The following ABTB3 variants were observed in gnomAD, a reference collection of about 807,000 sequenced individuals.
ABTB3 encodes the protein ankyrin repeat and BTB domain containing 3, also known as ankyrin repeat- and BTB/POZ domain-containing protein 3.
At chr12:107,648,832 G>A in the ABTB3 span, among the ~76,000 whole-genome samples, 833 of 152,060 alleles carry the variant, frequency 5.5e-3, 25 homozygotes, top group Admixed American at 0.048. Flanking sequence ...GCAGTTCCGC[G>A]CAGCATGACT....
the ABTB3 span, among the ~76,000 whole-genome samples, chr12:107,518,669 G>A: frequency 1.3e-5 from 2 of 151,904 alleles, no homozygotes; most frequent in African/African-American, 4.8e-5. Context: ...GAGTTAATGG[G>A]TGCAGCACAC....
At chr12:107,466,454 G>T in the ABTB3 span, among the ~76,000 whole-genome samples, 2 of 151,730 alleles carry the variant, frequency 1.3e-5, no homozygotes, top group African/African-American at 2.4e-5. Context: ...TCCCCACTGT[G>T]CCACCCTCCC....
At chr12:107,534,422 T>C in the ABTB3 span, among the ~76,000 whole-genome samples, 10 of 151,366 alleles carry the variant, frequency 6.6e-5, no homozygotes, top group Admixed American at 3.3e-4. Context: ...AACCCAAAAT[T>C]AGGGGAAGGA....
the ABTB3 span, among the ~76,000 whole-genome samples, chr12:107,580,205 G>GA: frequency 6.6e-6 from 1 of 152,212 alleles, no homozygotes; most frequent in Non-Finnish European, 1.5e-5. Flanking sequence ...GGGAGGTTTT[G>GA]AAAACTGCCT....
At chr12:107,484,163 C>T in the ABTB3 span, among the ~76,000 whole-genome samples, 11 of 152,178 alleles carry the variant, frequency 7.2e-5, no homozygotes, top group Non-Finnish European at 1.3e-4. Flanking sequence ...TGACCATGAA[C>T]ATATATTAAG....
At chr12:107,520,546 C>G in the ABTB3 span, 7 of 1,614,240 alleles carry the variant, frequency 4.3e-6, no homozygotes, top group Middle Eastern at 1.6e-4. Context: ...GTCAAACAAG[C>G]CAGGGGAACT....
At chr12:107,380,570 CCTGT>C in the ABTB3 span, among the ~76,000 whole-genome samples, 1 of 152,262 alleles carries the variant, frequency 6.6e-6, no homozygotes, top group Non-Finnish European at 1.5e-5. Flanking sequence ...TAGGAAATGA[CCTGT>C]CTAAGGCTGA....
the ABTB3 span, among the ~76,000 whole-genome samples, chr12:107,425,108 A>G: frequency 6.6e-6 from 1 of 152,260 alleles, no homozygotes; most frequent in East Asian, 1.9e-4. Context: ...TCCTTAGCAG[A>G]CCAGGCCCTG....
the ABTB3 span, among the ~76,000 whole-genome samples, chr12:107,570,878 C>T: frequency 6.6e-6 from 1 of 152,158 alleles, no homozygotes; most frequent in Non-Finnish European, 1.5e-5. Flanking sequence ...CCCCAGGCTT[C>T]CTCTGGGCCT....
chr12:107,548,577 G>T, the ABTB3 span, among the ~76,000 whole-genome samples: 2 of 152,078 alleles, frequency 1.3e-5, no homozygotes, highest in African/African-American at 2.4e-5. Context: ...GATTTCTGTA[G>T]TCTAAGTTTT....
chr12:107,523,789 C>T, the ABTB3 span, among the ~76,000 whole-genome samples: 2 of 152,282 alleles, frequency 1.3e-5, no homozygotes, highest in Admixed American at 1.3e-4. Context: ...CGAACTGCCA[C>T]ACATATGGGA....
At chr12:107,372,468 A>G in the ABTB3 span, among the ~76,000 whole-genome samples, 1 of 152,200 alleles carries the variant, frequency 6.6e-6, no homozygotes, top group Non-Finnish European at 1.5e-5. Flanking sequence ...GCTTGGTTCC[A>G]GCAAGTGTGT....
chr12:107,338,890 A>T, the ABTB3 span, among the ~76,000 whole-genome samples: 1 of 152,126 alleles, frequency 6.6e-6, no homozygotes, highest in Admixed American at 6.5e-5. Context: ...TCACGGGTAT[A>T]ATCATAGTGC....
At chr12:107,339,680 CGTGTGTGT>C in the ABTB3 span, among the ~76,000 whole-genome samples, 7 of 149,138 alleles carry the variant, frequency 4.7e-5, no homozygotes, top group East Asian at 2.0e-4. Flanking sequence ...TGTGCATGCA[CGTGTGTGT>C]GTGTGTGTGT....
chr12:107,532,826 T>C, the ABTB3 span, among the ~76,000 whole-genome samples: 1 of 152,050 alleles, frequency 6.6e-6, no homozygotes, highest in African/African-American at 2.4e-5. Context: ...AACAGATTTC[T>C]CAGCAGAAAC....
At chr12:107,617,394 G>T in the ABTB3 span, 1 of 1,614,158 alleles carries the variant, frequency 6.2e-7, no homozygotes, top group Non-Finnish European at 8.5e-7. Flanking sequence ...ACCCCCCAGG[G>T]TGATATGAAC....
At chr12:107,482,973 T>TTTCTTTCC in the ABTB3 span, among the ~76,000 whole-genome samples, 1 of 70,906 alleles carries the variant, frequency 1.4e-5, no homozygotes, top group Non-Finnish European at 2.8e-5. Context: ...TCTTTCTTTC[T>TTTCTTTCC]TTCTTTCTTT....
chr12:107,536,914 A>T, the ABTB3 span, among the ~76,000 whole-genome samples: 2 of 152,312 alleles, frequency 1.3e-5, no homozygotes, highest in East Asian at 3.9e-4. Flanking sequence ...TATATCCAAG[A>T]CATGTCTGCA....
At chr12:107,545,661 A>C in the ABTB3 span, among the ~76,000 whole-genome samples, 2 of 152,182 alleles carry the variant, frequency 1.3e-5, no homozygotes, top group Non-Finnish European at 2.9e-5. Flanking sequence ...TCCACAACAA[A>C]TCAGTCAGTA....
Sources: allele counts gnomAD v4.1 joint callset (sites outside exome capture counted in the v4.1 genomes callset), GRCh38; gene constraint gnomAD v4.1.1; transcripts MANE v1.5; gene names NCBI Gene and HGNC (gene_info 2026-07-23, HGNC 2026-07-21).